The following P2RX5 variants were observed in gnomAD, a reference collection of about 807,000 sequenced individuals.
P2RX5 encodes the protein purinergic receptor P2X 5, also known as P2X purinoceptor 5.
P2RX5 carries 46 observed loss-of-function variants against 54.1 expected under a neutral mutation model. The ratio of observed to expected loss-of-function variants is 0.85; its 90% CI spans 0.67 to 1.09. The LOEUF (loss-of-function observed/expected upper bound fraction) is 1.09, where lower values mean the gene tolerates loss of function less well. Ranked by LOEUF, P2RX5 falls within the 50% of genes least tolerant of loss-of-function variation. The pLI is 0.00. For missense variants in P2RX5, 566 were observed against 549.8 expected (o/e 1.03, Z -0.29); for synonymous variants, 226 against 226.4 (o/e 1.00, Z 0.02).
chr17:3,690,340 C>G (rs1025986345), intron 5 of P2RX5, 87 bp downstream of exon 5: 1 of 1,204,062 alleles, frequency 8.3e-7, no homozygotes, highest in African/African-American at 1.5e-5. Flanking sequence ...GTGAGGCTCC[C>G]AGAGTGGGCA....
chr17:3,677,381 G>A (rs989869411), intron 11 of P2RX5: 62 of 985,256 alleles, frequency 6.3e-5, no homozygotes, highest in Non-Finnish European at 7.4e-5. Flanking sequence ...GAGGCCTCTT[G>A]CCTCCCCTTC....
the P2RX5 span, among the ~76,000 whole-genome samples, chr17:3,705,305 G>A: frequency 2.6e-5 from 4 of 152,216 alleles, no homozygotes; most frequent in South Asian, 2.1e-4. Context: ...CCCTGTACAC[G>A]ATTCGGATCC....
chr17:3,723,211 G>C, the P2RX5 span: 1 of 991,044 alleles, frequency 1.0e-6, no homozygotes, highest in Middle Eastern at 2.1e-4. Context: ...GTTATGCAAA[G>C]ATGCTATTAT....
At chr17:3,680,300 T>C (rs111174008) in intron 10 of P2RX5, among the ~76,000 whole-genome samples, 952 of 19,490 alleles carry the variant, frequency 0.049, no homozygotes, top group African/African-American at 0.18. Flanking sequence ...CTCCACCCAG[T>C]GTCCTCCACC....
chr17:3,711,216 C>T, the P2RX5 span, among the ~76,000 whole-genome samples: 2 of 152,014 alleles, frequency 1.3e-5, no homozygotes, highest in African/African-American at 4.8e-5. Flanking sequence ...AGTGCAGATT[C>T]GAATAACCTG....
chr17:3,703,475 C>T, the P2RX5 span, among the ~76,000 whole-genome samples: 1 of 152,038 alleles, frequency 6.6e-6, no homozygotes, highest in African/African-American at 2.4e-5. Flanking sequence ...CTGCAGTGAG[C>T]TGAGATCATG....
intron 11 of P2RX5, chr17:3,676,535 G>A (rs1417763981): frequency 3.0e-6 from 3 of 985,420 alleles, no homozygotes; most frequent in Middle Eastern, 5.2e-4. Flanking sequence ...TGCTTTCAGG[G>A]TGGGGGAGGA....
At chr17:3,716,711 C>T in the P2RX5 span, 27 of 1,602,554 alleles carry the variant, frequency 1.7e-5, no homozygotes, top group East Asian at 2.2e-5. Flanking sequence ...ACCAGAATCA[C>T]GATCAACACC....
the P2RX5 span, chr17:3,717,432 G>A: frequency 1.3e-5 from 2 of 152,210 alleles, no homozygotes; most frequent in Non-Finnish European, 2.9e-5. Flanking sequence ...CGCAGGTTTT[G>A]TTTTCCAAAG....
At chr17:3,714,287 GCACGATCTCGGCT>G in the P2RX5 span, among the ~76,000 whole-genome samples, 189 of 151,280 alleles carry the variant, frequency 1.2e-3, 1 homozygote, top group Admixed American at 4.4e-3. Context: ...GAGTGCAGTG[GCACGATCTCGGCT>G]CACTGCAACC....
chr17:3,718,026 A>G, the P2RX5 span: 1 of 152,282 alleles, frequency 6.6e-6, no homozygotes, highest in Non-Finnish European at 1.5e-5. Flanking sequence ...ACAGATTCCC[A>G]AAAGTGCCCC....
the P2RX5 span, among the ~76,000 whole-genome samples, chr17:3,704,665 A>G: frequency 1.3e-5 from 2 of 152,196 alleles, no homozygotes; most frequent in African/African-American, 4.8e-5. Flanking sequence ...GACAGTAAAC[A>G]CTTGAAAGAG....
upstream of P2RX5, among the ~76,000 whole-genome samples, chr17:3,699,133 T>C (rs1450421939): frequency 6.7e-6 from 1 of 150,188 alleles, no homozygotes; most frequent in Non-Finnish European, 1.5e-5. Flanking sequence ...CAGTGGCTCA[T>C]GCCTTTAATC....
chr17:3,711,912 T>C, the P2RX5 span, among the ~76,000 whole-genome samples: 1 of 148,588 alleles, frequency 6.7e-6, no homozygotes, highest in African/African-American at 2.5e-5. Context: ...CTTAAAAGTG[T>C]CTTCCTCCTC....
rs562242719 is a variant in P2RX5 at position 3,674,052 on chromosome 17, T to C, written c.1260-175A>G. ...GGCCAGGCGCGGTGGCTCATGCCCATGCCTGTAATCGCAGCACTTTGGGAG... is the reference window on the plus strand; with the variant it reads ...GGCCAGGCGCGGTGGCTCATGCCCACGCCTGTAATCGCAGCACTTTGGGAG... On this transcript the variant is annotated intron_variant, in intron 11 of 11. Transcript: ENST00000225328. Among the ~76,000 whole-genome samples the C allele has an allele frequency of 1.3e-4, 20 of 152,272 alleles. No individual in the cohort carries two copies. In the South Asian group the frequency reaches 1.5e-3, roughly 11 times the overall value.
chr17:3,715,632 G>C, the P2RX5 span, among the ~76,000 whole-genome samples: 80,362 of 151,982 alleles, frequency 0.53, 22,137 homozygotes, highest in African/African-American at 0.64. Context: ...ATGAGAAGAT[G>C]GCTCGAGCCC....
At chr17:3,683,244 A>G (rs1349048229) in intron 9 of P2RX5, among the ~76,000 whole-genome samples, 5 of 152,132 alleles carry the variant, frequency 3.3e-5, no homozygotes, top group African/African-American at 1.2e-4. Flanking sequence ...TGGAGGGGCC[A>G]ACAAGGAATC....
upstream of P2RX5, among the ~76,000 whole-genome samples, chr17:3,698,977 A>G (rs2050797551): frequency 6.6e-6 from 1 of 151,798 alleles, no homozygotes; most frequent in South Asian, 2.1e-4. Flanking sequence ...AGGCTGAAGC[A>G]GCAGAACCGC....
the P2RX5 span, among the ~76,000 whole-genome samples, chr17:3,707,133 TA>T: frequency 6.6e-6 from 1 of 152,166 alleles, no homozygotes; most frequent in Non-Finnish European, 1.5e-5. Flanking sequence ...TTTTATTGTT[TA>T]AAAATAAGCT....
Sources: allele counts gnomAD v4.1 joint callset (sites outside exome capture counted in the v4.1 genomes callset), GRCh38; gene constraint gnomAD v4.1.1; transcripts MANE v1.5; gene names NCBI Gene and HGNC (gene_info 2026-07-23, HGNC 2026-07-21).